The following VTI1A variants were observed in gnomAD, a reference collection of about 807,000 sequenced individuals.
The protein encoded by VTI1A is vesicle transport through interaction with t-SNAREs homolog 1A.
In VTI1A, 22 loss-of-function variants were observed where a neutral mutation model predicts 34.9. The observed-to-expected ratio is 0.63, with a 90% CI of 0.45 to 0.90. The LOEUF is 0.90. VTI1A is among the 40% of genes least tolerant of loss of function. The probability of loss-of-function intolerance (pLI) is 0.00; values close to 1 mark genes in which losing one functional copy is unlikely to be tolerated. For missense variants in VTI1A, 268 were observed against 275.6 expected, an observed-to-expected ratio of 0.97 and a Z score of 0.20; for synonymous variants, 87 against 97.3, an observed-to-expected ratio of 0.89 and a Z score of 0.62.
At chr10:112,847,966 C>T in the VTI1A span, among the ~76,000 whole-genome samples, 7 of 152,110 alleles carry the variant, frequency 4.6e-5, no homozygotes, top group South Asian at 8.3e-4. Context: ...CCAGATAGAG[C>T]GGAAGAACCA....
chr10:112,464,603 C>T lies in VTI1A; in HGVS notation c.210C>T (p.Tyr70=), dbSNP rs1270999268. 6.2e-7 allele frequency: 1 copy of T among 1,612,948 alleles called. No individual in the cohort carries two copies. The highest frequency in any genetic ancestry group is 8.5e-7 in the Non-Finnish European group (1 of 1,179,240). ...TACCACCCCAAAGTCGAGGGATGTA[C>T]AGCAACAGAATGAGAAGCTACAAAC... ...REIPPQSRGM[Y]SNRMRSYKQE... is the part of the protein sequence containing the mutation. The change falls in exon 3 of 8, where the codon TAC becomes TAT. Residue 70 remains tyrosine (Y), a synonymous_variant. Transcript: ENST00000393077.
chr10:112,751,836 T>A (rs576843695), intron 7 of VTI1A, among the ~76,000 whole-genome samples: 1 of 152,338 alleles, frequency 6.6e-6, no homozygotes, highest in African/African-American at 2.4e-5. Flanking sequence ...TTCTCATTGG[T>A]TACACAATCA....
intron 3 of VTI1A, among the ~76,000 whole-genome samples, chr10:112,505,378 TCAG>T (rs1235006610): frequency 1.3e-5 from 2 of 152,212 alleles, no homozygotes; most frequent in Non-Finnish European, 2.9e-5. Context: ...TGTTTGCAAT[TCAG>T]TTTATTCTCT....
At chr10:112,833,805 G>A in the VTI1A span, among the ~76,000 whole-genome samples, 5 of 152,276 alleles carry the variant, frequency 3.3e-5, no homozygotes, top group East Asian at 5.8e-4. Context: ...AATCCCTGTG[G>A]CATTGATCTT....
intron 7 of VTI1A, among the ~76,000 whole-genome samples, chr10:112,698,848 T>G (rs1453136861): frequency 2.0e-5 from 3 of 152,208 alleles, no homozygotes; most frequent in Non-Finnish European, 4.4e-5. Flanking sequence ...CATCTAAGAT[T>G]GGTGCCTAAT....
intron 5 of VTI1A, among the ~76,000 whole-genome samples, chr10:112,626,784 T>C (rs549997339): frequency 2.2e-4 from 34 of 152,334 alleles, no homozygotes; most frequent in African/African-American, 8.2e-4. Context: ...AGCCTGCATT[T>C]GCCATCTTCC....
intron 2 of VTI1A, among the ~76,000 whole-genome samples, chr10:112,462,964 G>T (rs1386644687): frequency 1.3e-5 from 2 of 151,482 alleles, no homozygotes; most frequent in African/African-American, 4.8e-5. Context: ...TCGCTCCATC[G>T]CCCAGGCTGG....
chr10:112,631,986 C>T (rs1347970287), intron 5 of VTI1A, among the ~76,000 whole-genome samples: 5 of 152,124 alleles, frequency 3.3e-5, no homozygotes, highest in African/African-American at 9.7e-5. Flanking sequence ...TGAAATTCCA[C>T]AATATGGTAA....
At chr10:112,844,154 T>C in the VTI1A span, among the ~76,000 whole-genome samples, 5 of 152,200 alleles carry the variant, frequency 3.3e-5, no homozygotes, top group Non-Finnish European at 5.9e-5. Context: ...CAAGAACCTC[T>C]GGATAAACAA....
intron 3 of VTI1A, among the ~76,000 whole-genome samples, chr10:112,519,968 A>T (rs1300547081): frequency 1.3e-5 from 2 of 152,062 alleles, no homozygotes; most frequent in South Asian, 4.1e-4. Flanking sequence ...GTATACACTT[A>T]TATACTTTGT....
intron 7 of VTI1A, among the ~76,000 whole-genome samples, chr10:112,702,808 A>G (rs535056319): frequency 8.5e-5 from 13 of 152,146 alleles, no homozygotes; most frequent in Admixed American, 8.5e-4. Context: ...CTGGTGTTGA[A>G]CTCCTAGGCT....
intron 3 of VTI1A, among the ~76,000 whole-genome samples, chr10:112,487,604 A>G (rs907661399): frequency 1.3e-5 from 2 of 152,110 alleles, no homozygotes; most frequent in Non-Finnish European, 2.9e-5. Flanking sequence ...CTTGTTATGT[A>G]CAGTTGCTTC....
chr10:112,708,631 T>A (rs1849285259), intron 7 of VTI1A, among the ~76,000 whole-genome samples: 1 of 152,244 alleles, frequency 6.6e-6, no homozygotes, highest in Admixed American at 6.5e-5. Flanking sequence ...TTAAGCAGTA[T>A]CTTTGACAGA....
chr10:112,822,101 T>G (rs2134104053), downstream of VTI1A, among the ~76,000 whole-genome samples: 1 of 151,672 alleles, frequency 6.6e-6, no homozygotes, highest in African/African-American at 2.4e-5. Context: ...GATTTTGGGT[T>G]TGGGGGAAGA....
At chr10:112,582,353 G>A (rs770231491) in intron 5 of VTI1A, among the ~76,000 whole-genome samples, 37 of 152,176 alleles carry the variant, frequency 2.4e-4, no homozygotes, top group Middle Eastern at 3.4e-3. Context: ...ATTTTAGTGG[G>A]CAAAGACATT....
In VTI1A at chr10:112,587,774, G is replaced by GT. The variant is rs565144361; in HGVS notation, c.427+49450dup. ...AAAAATTAGTAAGATTTTCATAAAG[G>GT]TTTTTTCCCCTCAGTATTAGGGGAG... is the stretch of plus-strand genomic sequence containing the variant. On this transcript the variant is annotated intron_variant, in intron 5 of 7. Transcript: ENST00000393077. Among the ~76,000 whole-genome samples the GT allele has an allele frequency of 8.5e-4, 130 of 152,066 alleles. No individual in the cohort carries two copies. In the South Asian group the frequency reaches 0.012, roughly 14 times the overall value.
intron 5 of VTI1A, among the ~76,000 whole-genome samples, chr10:112,642,968 T>TTTTCC (rs1846629911): frequency 8.7e-6 from 1 of 115,300 alleles, no homozygotes; most frequent in Non-Finnish European, 1.9e-5. Flanking sequence ...GTTTTCTTTT[T>TTTTCC]TTTCTTTTCT....
At chr10:112,837,885 G>C in the VTI1A span, among the ~76,000 whole-genome samples, 1 of 152,200 alleles carries the variant, frequency 6.6e-6, no homozygotes, top group Non-Finnish European at 1.5e-5. Flanking sequence ...GGTAACAGTA[G>C]AAAAGGGGAG....
chr10:112,748,562 C>CA (rs1315227954), intron 7 of VTI1A, among the ~76,000 whole-genome samples: 9 of 136,714 alleles, frequency 6.6e-5, no homozygotes, highest in Non-Finnish European at 1.2e-4. Flanking sequence ...TACACATGTA[C>CA]AAATAACCCA....
Sources: allele counts gnomAD v4.1 joint callset (sites outside exome capture counted in the v4.1 genomes callset), GRCh38; gene constraint gnomAD v4.1.1; transcripts MANE v1.5; gene names NCBI Gene and HGNC (gene_info 2026-07-23, HGNC 2026-07-21).